The following MIPEP variants were observed in gnomAD, a reference collection of about 807,000 sequenced individuals.
MIPEP encodes the protein mitochondrial intermediate peptidase.
A neutral mutation model predicts 90.3 loss-of-function variants in MIPEP; 79 were observed. That is an observed-to-expected ratio of 0.87 (90% confidence interval 0.73 to 1.05). The LOEUF (loss-of-function observed/expected upper bound fraction) is 1.05, where lower values mean the gene tolerates loss of function less well. Ranked by LOEUF, MIPEP falls within the 50% of genes least tolerant of loss-of-function variation. The pLI, the probability that MIPEP is intolerant of heterozygous loss-of-function variation, is 0.00. For synonymous variants in MIPEP, 334 were observed against 315.8 expected (o/e 1.06, Z -0.61); for missense variants, 940 against 905.6 (o/e 1.04, Z -0.49).
chr13:23,752,794 A>G (rs1952454863), intron 18 of MIPEP, among the ~76,000 whole-genome samples: 1 of 152,186 alleles, frequency 6.6e-6, no homozygotes, highest in African/African-American at 2.4e-5. Context: ...TGTCATGCCT[A>G]TAATATATAT....
At chr13:23,767,338 T>A (rs952050239) in intron 16 of MIPEP, among the ~76,000 whole-genome samples, 2 of 152,252 alleles carry the variant, frequency 1.3e-5, no homozygotes, top group African/African-American at 4.8e-5. Context: ...TCTATTTTTT[T>A]AAATGAGACT....
chr13:23,863,257 A>T (rs1023493591), intron 8 of MIPEP, among the ~76,000 whole-genome samples: 1 of 152,228 alleles, frequency 6.6e-6, no homozygotes, highest in East Asian at 1.9e-4. Context: ...CTGCCTCTCA[A>T]CTAAGGCCTA....
At chr13:23,805,886 C>A (rs1953100994) in intron 16 of MIPEP, 64 bp downstream of exon 16, 2 of 1,548,056 alleles carry the variant, frequency 1.3e-6, no homozygotes, top group Non-Finnish European at 1.8e-6. Flanking sequence ...AAGATAATCA[C>A]AAGCTACAGA....
At chr13:23,782,252 T>G (rs1952790075) in intron 16 of MIPEP, among the ~76,000 whole-genome samples, 1 of 152,152 alleles carries the variant, frequency 6.6e-6, no homozygotes, top group Admixed American at 6.5e-5. Flanking sequence ...TATAACAAAC[T>G]GTCTCTCAGA....
intron 12 of MIPEP, among the ~76,000 whole-genome samples, chr13:23,838,220 T>C (rs958029031): frequency 5.3e-5 from 8 of 152,166 alleles, no homozygotes; most frequent in African/African-American, 1.9e-4. Flanking sequence ...CGCAGTTCAC[T>C]GCAGCCTGGA....
chr13:23,801,710 A>G (rs1230416129), intron 16 of MIPEP, among the ~76,000 whole-genome samples: 2 of 152,140 alleles, frequency 1.3e-5, no homozygotes, highest in Non-Finnish European at 2.9e-5. Context: ...TTCATCTGGT[A>G]TTCATTTATT....
intron 14 of MIPEP, among the ~76,000 whole-genome samples, chr13:23,828,583 G>A (rs1400065077): frequency 6.6e-6 from 1 of 152,076 alleles, no homozygotes; most frequent in African/African-American, 2.4e-5. Context: ...AAAAAGGAAG[G>A]GCATCCAGGA....
intron 7 of MIPEP, among the ~76,000 whole-genome samples, chr13:23,866,880 C>T (rs899217659): frequency 2.6e-5 from 4 of 152,142 alleles, no homozygotes; most frequent in Non-Finnish European, 5.9e-5. Flanking sequence ...TTCCGGTCCT[C>T]CCAATCTTAG....
At chr13:23,856,475 A>T (rs192382315) in intron 10 of MIPEP, among the ~76,000 whole-genome samples, 5 of 152,346 alleles carry the variant, frequency 3.3e-5, no homozygotes, top group African/African-American at 1.2e-4. Flanking sequence ...TGGCAGCTAT[A>T]TTTATACCCA....
chr13:23,858,858 A>G lies in MIPEP; in HGVS notation c.1106+2T>C. 6.2e-7 allele frequency: 1 copy of G among 1,613,272 alleles called. No homozygotes were observed. Among genetic ancestry groups the G allele is most frequent in the Admixed American group, 1.7e-5 (1 of 59,972 alleles). ...TGTACGGGTATTTCTTGAAAAACTT[A>G]CCTTTCTGCACGAATCACACCACTG... On this transcript the variant is annotated splice_donor_variant, in intron 10 of 18. Transcript: ENST00000382172. LOFTEE classifies it high-confidence loss of function.
In MIPEP at chr13:23,886,363, G is replaced by T. The variant is rs769105688; in HGVS notation, c.333C>A (p.Leu111=). Reference sequence around the variant, plus strand: ...CGGCCACTCTGCATAAGGAATCCGAGAGCTCATCGAAGATCAGCACGGTCT... The same window carrying T: ...CGGCCACTCTGCATAAGGAATCCGATAGCTCATCGAAGATCAGCACGGTCT... ...GPQTVLIFDE[L]SDSLCRVADL... Residue 111 remains leucine, a synonymous_variant, in exon 2 of 19, where the codon CTC becomes CTA. Coordinates refer to ENST00000382172, the MANE Select transcript of MIPEP (RefSeq NM_005932.4). The T allele has an allele frequency of 5.6e-6, 9 of 1,594,870 alleles. No individual in the cohort carries two copies. The South Asian group carries it at 1.0e-4, about 18-fold the overall frequency.
intron 16 of MIPEP, among the ~76,000 whole-genome samples, chr13:23,769,527 T>TA (rs1357762949): frequency 1.3e-5 from 2 of 152,028 alleles, no homozygotes; most frequent in African/African-American, 4.8e-5. Context: ...CAAGGGCAGG[T>TA]GTATCACCAA....
At chr13:23,828,764 CCAAT>C (rs1265399628) in intron 14 of MIPEP, among the ~76,000 whole-genome samples, 28 of 152,058 alleles carry the variant, frequency 1.8e-4, no homozygotes, top group Admixed American at 1.8e-3. Flanking sequence ...TAATGTAATC[CCAAT>C]CAAACTCTTA....
chr13:23,886,296 A>G (rs1871476192), intron 2 of MIPEP, 37 bp downstream of exon 2: 2 of 1,391,166 alleles, frequency 1.4e-6, no homozygotes, highest in South Asian at 1.9e-5. Flanking sequence ...ACAAGTTGAA[A>G]GAGAGGTAGC....
rs1271825312 is a variant in MIPEP at position 23,889,350 on chromosome 13, C to T, written c.-30G>A. The T allele has an allele frequency of 2.3e-6, 3 of 1,295,900 alleles. No homozygotes were observed. The highest frequency in any genetic ancestry group is 1.5e-5 in the African/African-American group (1 of 64,754). The allele number at this position is 1,295,900 out of a possible 1,614,324, so 80.3% of individuals were successfully genotyped here. On this transcript the variant is annotated 5_prime_UTR_variant, in exon 1 of 19. Coordinates refer to ENST00000382172, the MANE Select transcript of MIPEP (RefSeq NM_005932.4). The stretch of plus-strand genomic sequence containing the variant: ...GCACCAGAGCAGTCCCTTCCTCCAA[C>T]GCAGATCCCTGCCCTGCTGCTTTCG...
At chr13:23,889,097 C>G in intron 1 of MIPEP, 35 bp downstream of exon 1, 14 of 1,383,060 alleles carry the variant, frequency 1.0e-5, no homozygotes, top group Non-Finnish European at 1.3e-5. Flanking sequence ...CGGCTTAGCT[C>G]GGGGACTGAG....
intron 2 of MIPEP, among the ~76,000 whole-genome samples, chr13:23,885,519 T>C (rs1871437570): frequency 6.6e-6 from 1 of 152,130 alleles, no homozygotes; most frequent in Non-Finnish European, 1.5e-5. Flanking sequence ...ATGTAATTAC[T>C]ATGCATTGCA....
rs547135525 is a variant in MIPEP, at chr13:23,882,040, C to G, written c.364-253G>C. ...TTATTTCAGAAAAGTTTTTCTCTTTCAAATATAAACACCAAGCAAATTCTT... is the reference window on the plus strand; with the variant it reads ...TTATTTCAGAAAAGTTTTTCTCTTTGAAATATAAACACCAAGCAAATTCTT... On this transcript the variant is annotated intron_variant, in intron 2 of 18. Coordinates refer to ENST00000382172, the MANE Select transcript of MIPEP (RefSeq NM_005932.4). Among the ~76,000 whole-genome samples, 19 of 151,460 alleles carry G rather than the reference C, an allele frequency of 1.3e-4. No homozygotes were observed. The Middle Eastern group carries it at 0.014, about 109-fold the overall frequency.
intron 16 of MIPEP, among the ~76,000 whole-genome samples, chr13:23,781,298 T>C (rs918850715): frequency 7.2e-5 from 11 of 152,166 alleles, no homozygotes; most frequent in African/African-American, 2.7e-4. Context: ...GGGGCCAATA[T>C]TCAACATTCT....
Sources: allele counts gnomAD v4.1 joint callset (sites outside exome capture counted in the v4.1 genomes callset), GRCh38; gene constraint gnomAD v4.1.1; transcripts MANE v1.5; gene names NCBI Gene and HGNC (gene_info 2026-07-23, HGNC 2026-07-21).